The following CSMD3 variants were observed in gnomAD, a reference collection of about 807,000 sequenced individuals.
The protein encoded by CSMD3 is CUB and sushi domain-containing protein 3.
A neutral mutation model predicts 435.2 loss-of-function variants in CSMD3; 177 were observed. That is an observed-to-expected ratio of 0.41 (90% confidence interval 0.36 to 0.46). The LOEUF (loss-of-function observed/expected upper bound fraction) is 0.46. Ranked by LOEUF, CSMD3 falls within the 20% of genes least tolerant of loss-of-function variation. CSMD3 has a pLI of 0.34. For missense variants in CSMD3, 4,265 were observed against 4,504.6 expected (o/e 0.95, Z 1.52); for synonymous variants, 1,656 against 1,520.5 (o/e 1.09, Z -2.07).
At chr8:112,481,993 CTTCT>C (rs1819660168) in intron 31 of CSMD3, among the ~76,000 whole-genome samples, 1 of 151,808 alleles carries the variant, frequency 6.6e-6, no homozygotes, top group African/African-American at 2.4e-5. Flanking sequence ...AAATTTCACA[CTTCT>C]TTTTAATACT....
intron 35 of CSMD3, among the ~76,000 whole-genome samples, chr8:112,397,819 G>T (rs1458983933): frequency 6.6e-6 from 1 of 152,138 alleles, no homozygotes; most frequent in Non-Finnish European, 1.5e-5. Flanking sequence ...GCATTCTGCT[G>T]CTGGCCCCCA....
chr8:112,289,898 AAAGTT>A (rs1440713894), intron 56 of CSMD3, among the ~76,000 whole-genome samples: 1 of 152,084 alleles, frequency 6.6e-6, no homozygotes, highest in Non-Finnish European at 1.5e-5. Context: ...AAAATCTGTG[AAAGTT>A]AAGGAGAAGA....
At chr8:113,061,021 A>G (rs1337787261) in intron 5 of CSMD3, among the ~76,000 whole-genome samples, 3 of 152,172 alleles carry the variant, frequency 2.0e-5, no homozygotes, top group East Asian at 3.8e-4. Context: ...CTCTATTGAG[A>G]TAAGTCAGAT....
chr8:112,634,454 G>C (rs2074601539), intron 22 of CSMD3, among the ~76,000 whole-genome samples: 1 of 151,918 alleles, frequency 6.6e-6, no homozygotes, highest in African/African-American at 2.4e-5. Flanking sequence ...ATTTATTAAG[G>C]TCAATTGAAT....
intron 13 of CSMD3, among the ~76,000 whole-genome samples, chr8:112,713,634 G>C (rs1415644015): frequency 6.6e-6 from 1 of 152,014 alleles, no homozygotes. Flanking sequence ...GATTCTCCAA[G>C]GTTGAAATAA....
chr8:112,566,343 T>C (rs1378542473), intron 24 of CSMD3, among the ~76,000 whole-genome samples: 1 of 152,112 alleles, frequency 6.6e-6, no homozygotes, highest in Non-Finnish European at 1.5e-5. Flanking sequence ...CTTTGGGTTA[T>C]GCCTTGCATC....
In CSMD3 at chr8:112,618,871, C is replaced by T. The variant is rs181045411; in HGVS notation, c.3715+17946G>A. On this transcript the variant is annotated intron_variant, in intron 22 of 70. Coordinates refer to ENST00000297405, the MANE Select transcript of CSMD3 (RefSeq NM_198123.2). ...ACTGTTTCTTTTTGGGCTTAATTCA[C>T]TTCAAATAATTTTATGATTTACATC... 8.9e-4 allele frequency among the ~76,000 whole-genome samples: 136 copies of T among 152,152 alleles called. 1 individual carries two copies. The highest frequency in any genetic ancestry group is 4.3e-4 in the Non-Finnish European group (29 of 67,988).
chr8:112,702,939 GCT>G (rs543986513), intron 13 of CSMD3, among the ~76,000 whole-genome samples: 121 of 152,122 alleles, frequency 8.0e-4, no homozygotes, highest in African/African-American at 2.7e-3. Context: ...GTTTCCTTAA[GCT>G]CTACCCCCAC....
At chr8:112,336,615 A>G (rs747446501) in intron 44 of CSMD3, 37 bp downstream of exon 44, 3 of 1,448,714 alleles carry the variant, frequency 2.1e-6, no homozygotes, top group Non-Finnish European at 2.9e-6. Context: ...TACTGTGTAT[A>G]TAATTGAATA....
At chr8:113,033,733 G>A (rs1424721165) in intron 5 of CSMD3, among the ~76,000 whole-genome samples, 1 of 151,334 alleles carries the variant, frequency 6.6e-6, no homozygotes. Context: ...GGCATTATTG[G>A]TTTTGAAATG....
At position 113,436,689 on chromosome 8, in the gene CSMD3, A is replaced by G. The variant is rs764905169; in HGVS notation, c.166T>C (p.Ser56Pro). The change falls in exon 1 of 71, where the codon TCT becomes CCT. Residue 56 changes from serine (S) to proline (P), a missense_variant. Physicochemically the swap from Ser to Pro is moderately conservative, Grantham distance 74. This residue lies in a region of CSMD3 where 731 missense variants were observed against 755.4 expected (regional missense o/e 0.97). Transcript: ENST00000297405. The part of the protein sequence containing the change: ...FWNLVFLLTV[S>P]CVKGFIYTCG... Reference sequence around the variant, plus strand: ...AAAGCAGACCTACCTTTCACACAAGACACCGTCAATAAAAAGACGAGGTTC... The same window carrying G: ...AAAGCAGACCTACCTTTCACACAAGGCACCGTCAATAAAAAGACGAGGTTC... 4 of 1,614,178 alleles carry G rather than the reference A, an allele frequency of 2.5e-6. No homozygotes were observed. Among genetic ancestry groups the G allele is most frequent in the Non-Finnish European group, 8.5e-7 (1 of 1,180,028 alleles).
At chr8:112,481,352 C>T (rs911683120) in intron 31 of CSMD3, among the ~76,000 whole-genome samples, 1 of 152,140 alleles carries the variant, frequency 6.6e-6, no homozygotes, top group African/African-American at 2.4e-5. Flanking sequence ...GGCAACATAG[C>T]CTTAAGCTAC....
At position 112,859,127 on chromosome 8, in the gene CSMD3, C is replaced by A. The variant is rs2129855465; in HGVS notation, c.1755+18G>T. On this transcript the variant is annotated intron_variant, in intron 11 of 70. Coordinates refer to ENST00000297405, the MANE Select transcript of CSMD3 (RefSeq NM_198123.2). ...TGATTATGACTTTTTTTTTAAATCA[C>A]AGATGGTGTTCTCTTACCTTATTTG... The A allele has an allele frequency of 6.2e-7, 1 of 1,604,544 alleles. No individual in the cohort carries two copies. Among genetic ancestry groups the A allele is most frequent in the South Asian group, 1.1e-5 (1 of 90,734 alleles).
intron 13 of CSMD3, among the ~76,000 whole-genome samples, chr8:112,783,424 G>GAAGGAAGGAA: frequency 1.8e-5 from 1 of 56,930 alleles, no homozygotes; most frequent in African/African-American, 5.8e-5. Context: ...GAGGGAGGGA[G>GAAGGAAGGAA]GGAAGGAAGG....
chr8:112,995,858 A>G (rs2085631951), intron 6 of CSMD3, among the ~76,000 whole-genome samples: 1 of 151,436 alleles, frequency 6.6e-6, no homozygotes, highest in South Asian at 2.1e-4. Flanking sequence ...AGCTAGAGTG[A>G]CCTATTGAAA....
intron 2 of CSMD3, 32 bp downstream of exon 2, chr8:113,314,539 T>C (rs2132668613): frequency 7.9e-7 from 1 of 1,271,154 alleles, no homozygotes; most frequent in Non-Finnish European, 1.2e-6. Flanking sequence ...GGAAATATTT[T>C]CTCTCCAGTC....
intron 32 of CSMD3, among the ~76,000 whole-genome samples, chr8:112,435,468 A>T (rs908161673): frequency 7.2e-5 from 11 of 152,186 alleles, no homozygotes; most frequent in Admixed American, 6.5e-4. Context: ...TTTAACCATT[A>T]TATCACACTG....
chr8:112,392,030 A>G (rs2129751858), intron 35 of CSMD3, among the ~76,000 whole-genome samples: 1 of 152,268 alleles, frequency 6.6e-6, no homozygotes, highest in Non-Finnish European at 1.5e-5. Context: ...TGGTAACTCT[A>G]TTGTTTCTAA....
intron 1 of CSMD3, among the ~76,000 whole-genome samples, chr8:113,397,268 T>C (rs779598199): frequency 4.7e-4 from 72 of 152,158 alleles, no homozygotes; most frequent in Non-Finnish European, 1.0e-3. Flanking sequence ...GTTAATAAAA[T>C]GGAGCAACTT....
Sources: allele counts gnomAD v4.1 joint callset (sites outside exome capture counted in the v4.1 genomes callset), GRCh38; gene constraint gnomAD v4.1.1; regional missense constraint gnomAD v4.1.1; transcripts MANE v1.5; gene names NCBI Gene and HGNC (gene_info 2026-07-23, HGNC 2026-07-21).